Variants in ME1 observed in about 807,000 individuals in gnomAD.
ME1 encodes the protein NADP-dependent malic enzyme.
Under a neutral mutation model 66.4 loss-of-function variants are expected in ME1, and 74 were observed. The ratio of observed to expected loss-of-function variants is 1.11; its 90% confidence interval spans 0.92 to 1.35. The LOEUF is 1.35. ME1 is among the 40% of genes most tolerant of loss of function. The probability of loss-of-function intolerance (pLI) is 0.00; values close to 1 mark genes in which losing one functional copy is unlikely to be tolerated. For missense variants in ME1, 750 were observed against 694.1 expected (o/e 1.08, Z -0.90); for synonymous variants, 251 against 235.6 (o/e 1.07, Z -0.60).
chr6:83,369,671 C>CGAAGGAAGGAAGGAAGGAACGAAG, intron 3 of ME1, among the ~76,000 whole-genome samples: 1 of 72,338 alleles, frequency 1.4e-5, no homozygotes, highest in East Asian at 3.4e-4. Flanking sequence ...AAGGAAGGAA[C>CGAAGGAAGGAAGGAAGGAACGAAG]GAAGGAAGGA....
chr6:83,241,367 T>C (rs1163313520), intron 7 of ME1, among the ~76,000 whole-genome samples: 1 of 152,156 alleles, frequency 6.6e-6, no homozygotes, highest in Non-Finnish European at 1.5e-5. Context: ...TGAAGTATCA[T>C]CAGCAATCAC....
chr6:83,405,016 T>A (rs1769912037), intron 2 of ME1, among the ~76,000 whole-genome samples: 1 of 152,244 alleles, frequency 6.6e-6, no homozygotes, highest in African/African-American at 2.4e-5. Flanking sequence ...ATATGAAATT[T>A]AAAGTAGTTT....
At chr6:83,216,855 T>A (rs1250608460) in intron 12 of ME1, among the ~76,000 whole-genome samples, 1 of 152,182 alleles carries the variant, frequency 6.6e-6, no homozygotes, top group Non-Finnish European at 1.5e-5. Flanking sequence ...CCTTTTCTAT[T>A]GTACCATGAA....
intron 6 of ME1, among the ~76,000 whole-genome samples, chr6:83,285,694 G>A (rs138673208): frequency 2.0e-4 from 30 of 152,306 alleles, no homozygotes; most frequent in African/African-American, 7.0e-4. Flanking sequence ...CAAAGACCCT[G>A]AGGTGGGAGT....
At chr6:83,252,322 C>T (rs1790738971) in intron 7 of ME1, among the ~76,000 whole-genome samples, 1 of 151,928 alleles carries the variant, frequency 6.6e-6, no homozygotes, top group South Asian at 2.1e-4. Context: ...GAGACAGGGC[C>T]TGGCTCTGTC....
At chr6:83,392,930 A>G (rs1398966724) in intron 3 of ME1, 4 of 817,090 alleles carry the variant, frequency 4.9e-6, no homozygotes, top group Non-Finnish European at 8.5e-6. Context: ...GTACCGTGGA[A>G]GGACTCATGA....
chr6:83,265,294 TTTA>T (rs1411071674), intron 6 of ME1, among the ~76,000 whole-genome samples: 1 of 152,078 alleles, frequency 6.6e-6, no homozygotes, highest in Non-Finnish European at 1.5e-5. Context: ...TGAGTTTTAT[TTTA>T]TTTTATTTTA....
rs141568711 is a variant in ME1, at chr6:83,325,952, A to C, written c.601-10539T>G. Among the ~76,000 whole-genome samples the C allele has an allele frequency of 7.5e-3, 1,128 of 150,922 alleles. 31 individuals carry two copies. The highest frequency in any genetic ancestry group is 0.06 in the East Asian group (307 of 5,118). On this transcript the variant is annotated intron_variant, in intron 5 of 13. Transcript: ENST00000369705. ...AACACAAAAAAACGAAGCAAACAAA[A>C]AAAAAAAAAAACAAAGCTGGAGGCA...
chr6:83,218,592 G>A (rs778549375), intron 12 of ME1, among the ~76,000 whole-genome samples: 1 of 152,148 alleles, frequency 6.6e-6, no homozygotes, highest in Non-Finnish European at 1.5e-5. Flanking sequence ...CATCCCTGGG[G>A]ACCTGAAGAA....
intron 8 of ME1, among the ~76,000 whole-genome samples, chr6:83,239,252 T>C (rs1790467466): frequency 6.6e-6 from 1 of 152,052 alleles, no homozygotes; most frequent in South Asian, 2.1e-4. Flanking sequence ...TACACATACA[T>C]TGGAAAGTTT....
At chr6:83,340,673 T>C (rs1768562123) in intron 5 of ME1, among the ~76,000 whole-genome samples, 1 of 138,292 alleles carries the variant, frequency 7.2e-6, no homozygotes, top group African/African-American at 2.8e-5. Context: ...AATTTCTTGT[T>C]ATGTGCTATT....
intron 12 of ME1, among the ~76,000 whole-genome samples, chr6:83,221,437 AC>A (rs1294961074): frequency 1.3e-5 from 2 of 152,216 alleles, no homozygotes; most frequent in Admixed American, 6.5e-5. Context: ...AAGCAGTTAC[AC>A]AGGCATACAT....
At chr6:83,415,076 AT>A (rs1244936233) in intron 1 of ME1, among the ~76,000 whole-genome samples, 1 of 152,156 alleles carries the variant, frequency 6.6e-6, no homozygotes, top group African/African-American at 2.4e-5. Context: ...CCTTTATACT[AT>A]TTTTTAAAAT....
chr6:83,275,524 G>C (rs1767162633), intron 6 of ME1, among the ~76,000 whole-genome samples: 2 of 130,640 alleles, frequency 1.5e-5, no homozygotes, highest in Non-Finnish European at 3.1e-5. Flanking sequence ...GGAGTGCAGT[G>C]GCGCGATCTT....
At position 83,342,017 on chromosome 6, in the gene ME1, G is replaced by T. The variant is rs189168658; in HGVS notation, c.600+4156C>A. ...AGGGCAGCTTTGTAACTCCACTTTA[G>T]CCTCAGATTGGTTGCTTTCCACAAC... On this transcript the variant is annotated intron_variant, in intron 5 of 13. Transcript: ENST00000369705. 5.3e-5 allele frequency among the ~76,000 whole-genome samples: 8 copies of T among 152,204 alleles called. No individual in the cohort carries two copies. In the East Asian group the frequency reaches 1.5e-3, roughly 29 times the overall value.
At position 83,221,158 on chromosome 6, in the gene ME1, C is replaced by CAAAAAAA. The variant is rs3216577; in HGVS notation, c.1449+2595_1449+2601dup. Among the ~76,000 whole-genome samples, 366 of 143,302 alleles carry CAAAAAAA rather than the reference C, an allele frequency of 2.6e-3. 2 individuals carry two copies. Among genetic ancestry groups the CAAAAAAA allele is most frequent in the African/African-American group, 8.0e-3 (307 of 38,272 alleles). 94.0% of individuals were successfully genotyped at this position (143,302 alleles called of 152,430 possible). The stretch of plus-strand genomic sequence containing the variant: ...TTGGCAACAGAGCGAGACTCCGTCT[C>CAAAAAAA]AAAAAAAAAAGATAATCTACAATTT... On this transcript the variant is annotated intron_variant, in intron 12 of 13. Transcript: ENST00000369705.
At chr6:83,268,238 C>G (rs1248411987) in intron 6 of ME1, among the ~76,000 whole-genome samples, 2 of 151,882 alleles carry the variant, frequency 1.3e-5, no homozygotes, top group African/African-American at 4.8e-5. Flanking sequence ...AAGAAAATGC[C>G]TGGAAAATCT....
intron 3 of ME1, 41 bp from the exon 4 acceptor site, chr6:83,352,180 C>T (rs548185067): frequency 2.3e-5 from 29 of 1,281,906 alleles, no homozygotes; most frequent in Middle Eastern, 2.0e-4. Flanking sequence ...TTTACATTTA[C>T]TTCAGGCCTG....
intron 5 of ME1, among the ~76,000 whole-genome samples, chr6:83,327,483 T>C (rs369356338): frequency 6.8e-4 from 103 of 152,306 alleles, no homozygotes; most frequent in African/African-American, 2.4e-3. Flanking sequence ...ACCTGTCTCT[T>C]ATGGTTGAGT....
Sources: allele counts gnomAD v4.1 joint callset (sites outside exome capture counted in the v4.1 genomes callset), GRCh38; gene constraint gnomAD v4.1.1; transcripts MANE v1.5; gene names NCBI Gene and HGNC (gene_info 2026-07-23, HGNC 2026-07-21).